The following ABCC6 variants were observed in gnomAD, a reference collection of about 807,000 sequenced individuals.
ABCC6 encodes ATP-binding cassette sub-family C member 6.
In ABCC6, 126 loss-of-function variants were observed where a neutral mutation model predicts 169.5. That is an observed-to-expected ratio of 0.74 (90% confidence interval 0.64 to 0.86). The LOEUF (loss-of-function observed/expected upper bound fraction) is 0.86. ABCC6 is among the 40% of genes least tolerant of loss of function. The probability of loss-of-function intolerance (pLI) is 0.00; values close to 1 mark genes in which losing one functional copy is unlikely to be tolerated. For missense variants in ABCC6, 1,733 were observed against 1,927.2 expected, an observed-to-expected ratio of 0.90 and a Z score of 1.89; for synonymous variants, 752 against 814.7, an observed-to-expected ratio of 0.92 and a Z score of 1.31.
At chr16:16,180,573 A>ACTTG (rs1476018722) in intron 17 of ABCC6, among the ~76,000 whole-genome samples, 1 of 152,000 alleles carries the variant, frequency 6.6e-6, no homozygotes, top group Admixed American at 6.6e-5. Context: ...GCTCACTGCA[A>ACTTG]CCTCTGCCTA....
chr16:16,197,961 AGGG>A, intron 10 of ABCC6, 57 bp downstream of exon 10: 1 of 1,397,066 alleles, frequency 7.2e-7, no homozygotes, highest in Non-Finnish European at 9.4e-7. Context: ...GGGAAGGAGG[AGGG>A]GGAGAAGGAG....
At chr16:16,218,872 ATTTAGTAGAAATT>A (rs1205495835) in intron 4 of ABCC6, among the ~76,000 whole-genome samples, 2 of 60,720 alleles carry the variant, frequency 3.3e-5, no homozygotes, top group East Asian at 9.5e-4. Flanking sequence ...TTTAGTAGAA[ATTTAGTAGAAATT>A]TTTAGTAGAA....
chr16:16,203,988 G>C (rs2048321330), intron 7 of ABCC6, among the ~76,000 whole-genome samples: 1 of 152,128 alleles, frequency 6.6e-6, no homozygotes, highest in Admixed American at 6.5e-5. Flanking sequence ...GCACACAGCT[G>C]AGAAGTAAAA....
intron 27 of ABCC6, chr16:16,155,274 A>T: frequency 1.7e-6 from 1 of 576,076 alleles, no homozygotes; most frequent in Non-Finnish European, 3.1e-6. Context: ...CTTTCTCCCC[A>T]CCCTTCCTTT....
intron 1 of ABCC6, among the ~76,000 whole-genome samples, chr16:16,222,279 A>C (rs1295752431): frequency 6.6e-6 from 1 of 152,198 alleles, no homozygotes; most frequent in African/African-American, 2.4e-5. Context: ...CCAGGGACAC[A>C]CAAATGGGAA....
chr16:16,165,517 A>AG, intron 23 of ABCC6, 106 bp downstream of exon 23: 1 of 1,227,596 alleles, frequency 8.1e-7, no homozygotes, highest in Non-Finnish European at 1.2e-6. Flanking sequence ...AACAGCCCCT[A>AG]GATGTCCAGC....
Position 16,193,527 on chromosome 16 carries a change from A to G in ABCC6, c.1339-605T>C, listed in dbSNP as rs140704683. Among the ~76,000 whole-genome samples the G allele has an allele frequency of 1.5e-3, 229 of 152,302 alleles. 1 individual carries two copies. The highest frequency in any genetic ancestry group is 5.0e-3 in the African/African-American group (209 of 41,562). On this transcript the variant is annotated intron_variant, in intron 10 of 30. Coordinates refer to ENST00000205557, the MANE Select transcript of ABCC6 (RefSeq NM_001171.6). ...TCAGGAGTTTGAGACCAGCCTGGCC[A>G]ACATAGTGAAACACAGTCTCTACTA... is the stretch of plus-strand genomic sequence containing the variant.
intron 22 of ABCC6, among the ~76,000 whole-genome samples, chr16:16,167,954 G>A (rs561339877): frequency 6.6e-5 from 10 of 152,228 alleles, no homozygotes; most frequent in East Asian, 1.9e-4. Flanking sequence ...TCCAGGGCTC[G>A]GCTGACTCTG....
intron 15 of ABCC6, among the ~76,000 whole-genome samples, 179 bp from the exon 16 acceptor site, chr16:16,183,109 G>A (rs2047535429): frequency 6.6e-6 from 1 of 152,152 alleles, no homozygotes; most frequent in Non-Finnish European, 1.5e-5. Context: ...GTGCACATCT[G>A]TGCATGTACA....
intron 27 of ABCC6, chr16:16,155,362 A>C (rs199540039): frequency 2.5e-5 from 6 of 240,924 alleles, no homozygotes; most frequent in South Asian, 1.1e-4. Context: ...CATCCCATCC[A>C]TCTGTCTGTC....
In ABCC6 at chr16:16,178,889, AG is replaced by A. The variant is rs72664229; in HGVS notation, c.2323del (p.Leu775CysfsTer36). 2.5e-6 allele frequency: 4 copies of A among 1,613,898 alleles called. No individual in the cohort carries two copies. Among genetic ancestry groups the A allele is most frequent in the Non-Finnish European group, 2.5e-6 (3 of 1,180,034 alleles). On this transcript the variant is annotated frameshift_variant, in exon 18 of 31. Transcript: ENST00000205557. LOFTEE classifies it high-confidence loss of function. ...CAGGGCCGCCAGGGGGTCATCCAGC[AG>A]GTACACAGCTGCCTTTCTGTATACA... ...RAVYRKAAVY[L>X]LDDPLAALDA...
At chr16:16,211,449 C>G (rs1276296708) in intron 6 of ABCC6, among the ~76,000 whole-genome samples, 2 of 152,174 alleles carry the variant, frequency 1.3e-5, no homozygotes, top group Admixed American at 1.3e-4. Context: ...TTGCCAGGCC[C>G]TGTTCTAAGT....
intron 24 of ABCC6, among the ~76,000 whole-genome samples, chr16:16,162,465 C>T (rs145894774): frequency 4.6e-5 from 7 of 152,212 alleles, no homozygotes; most frequent in Admixed American, 6.5e-5. Flanking sequence ...AATTAATCTA[C>T]ATAGATTGCT....
chr16:16,156,570 A>G (rs1045367605), intron 27 of ABCC6, among the ~76,000 whole-genome samples: 1 of 152,134 alleles, frequency 6.6e-6, no homozygotes, highest in Non-Finnish European at 1.5e-5. Context: ...AAGCTCAGGA[A>G]TTCACACTTT....
At chr16:16,191,370 C>T (rs1208172511) in intron 11 of ABCC6, among the ~76,000 whole-genome samples, 1 of 152,020 alleles carries the variant, frequency 6.6e-6, no homozygotes, top group East Asian at 1.9e-4. Flanking sequence ...CCTGCCTCGG[C>T]CTCCCAAAGT....
chr16:16,192,082 C>T (rs1443767238), intron 11 of ABCC6, among the ~76,000 whole-genome samples: 4 of 152,230 alleles, frequency 2.6e-5, no homozygotes, highest in East Asian at 1.9e-4. Flanking sequence ...GATGGACGTG[C>T]CATTTCCTTG....
rs557779326 is a variant in ABCC6, at chr16:16,221,759, C to A, written c.109G>T (p.Val37Phe). ...CAGAGGTACATGGGGGGTACCCAGA[C>A]CCCTGCTGTTCTCAGGAAGCACAGG... ...LSLCFLRTAG[V>F]WVPPMYLWVL... is the part of the protein sequence containing the mutation. The change falls in exon 2 of 31, where the codon GTC becomes TTC. Residue 37 changes from valine (V) to phenylalanine (F), a missense_variant. This residue lies in a region of ABCC6 where 66 missense variants were observed against 69.5 expected (regional missense o/e 0.95). Transcript: ENST00000205557. 380 of 1,613,722 alleles carry A rather than the reference C, an allele frequency of 2.4e-4. 5 individuals carry two copies. In the East Asian group the frequency reaches 8.3e-3, roughly 35 times the overall value.
intron 20 of ABCC6, among the ~76,000 whole-genome samples, chr16:16,173,691 A>ATTTT (rs534173438): frequency 9.6e-6 from 1 of 104,142 alleles, no homozygotes. Flanking sequence ...TGTTCTCAGA[A>ATTTT]TTTTCTTTTT....
intron 4 of ABCC6, among the ~76,000 whole-genome samples, chr16:16,217,910 T>A (rs1169714077): frequency 6.6e-6 from 1 of 152,164 alleles, no homozygotes; most frequent in Non-Finnish European, 1.5e-5. Context: ...GCCAACATAT[T>A]GAAACCTTGT....
Sources: allele counts gnomAD v4.1 joint callset (sites outside exome capture counted in the v4.1 genomes callset), GRCh38; gene constraint gnomAD v4.1.1; regional missense constraint gnomAD v4.1.1; transcripts MANE v1.5; gene names NCBI Gene and HGNC (gene_info 2026-07-23, HGNC 2026-07-21).